Variants in SFMBT2 observed in about 807,000 individuals in gnomAD.
SFMBT2 encodes Scm like with four mbt domains 2.
Under a neutral mutation model 110.1 loss-of-function variants are expected in SFMBT2, and 38 were observed. The observed-to-expected ratio is 0.35, with a 90% CI of 0.27 to 0.45. SFMBT2 has a LOEUF of 0.45. Ranked by LOEUF, SFMBT2 falls within the 20% of genes least tolerant of loss-of-function variation. SFMBT2 has a pLI of 1.00. For synonymous variants in SFMBT2, 425 were observed against 425.4 expected (o/e 1.00, Z 0.01); for missense variants, 1,011 against 1,094.9 (o/e 0.92, Z 1.08).
At chr10:7,199,771 A>G (rs1838893893) in intron 14 of SFMBT2, among the ~76,000 whole-genome samples, 1 of 152,222 alleles carries the variant, frequency 6.6e-6, no homozygotes, top group South Asian at 2.1e-4. Flanking sequence ...GGATTCTTCC[A>G]TGACATGTTG....
intron 2 of SFMBT2, among the ~76,000 whole-genome samples, chr10:7,376,698 C>CAAAA (rs59565462): frequency 6.4e-5 from 3 of 46,616 alleles, no homozygotes; most frequent in Non-Finnish European, 1.0e-4. Context: ...GACTCTGTCT[C>CAAAA]AAAAAAAAAA....
intron 15 of SFMBT2, among the ~76,000 whole-genome samples, chr10:7,197,039 T>C (rs1838794009): frequency 6.6e-6 from 1 of 152,010 alleles, no homozygotes. Flanking sequence ...TGGAGACCAT[T>C]GAAATACTTA....
intron 4 of SFMBT2, among the ~76,000 whole-genome samples, chr10:7,331,406 T>G (rs1843554283): frequency 6.6e-6 from 1 of 152,214 alleles, no homozygotes; most frequent in Non-Finnish European, 1.5e-5. Flanking sequence ...TAAACATATC[T>G]ATCCAATTAT....
chr10:7,361,333 C>A (rs12263396), intron 4 of SFMBT2, among the ~76,000 whole-genome samples: 7,473 of 152,254 alleles, frequency 0.049, 603 homozygotes, highest in African/African-American at 0.17. Context: ...CATAAAAACA[C>A]AACCTAATTC....
At chr10:7,260,897 C>A (rs1350178084) in intron 7 of SFMBT2, among the ~76,000 whole-genome samples, 1 of 151,844 alleles carries the variant, frequency 6.6e-6, no homozygotes, top group African/African-American at 2.4e-5. Flanking sequence ...TTTTCTGGTT[C>A]TTTGTTATAA....
intron 7 of SFMBT2, among the ~76,000 whole-genome samples, chr10:7,272,832 G>A (rs372240816): frequency 5.5e-4 from 84 of 152,222 alleles, no homozygotes; most frequent in African/African-American, 1.7e-3. Flanking sequence ...TTGCTCTGCC[G>A]CCCAGACTGG....
At position 7,229,718 on chromosome 10, in the gene SFMBT2, G is replaced by T. The variant is rs192159949; in HGVS notation, c.1121-1781C>A. Among the ~76,000 whole-genome samples, 242 of 128,008 alleles carry T rather than the reference G, an allele frequency of 1.9e-3. 1 individual carries two copies. Among genetic ancestry groups the T allele is most frequent in the Admixed American group, 4.6e-3 (60 of 12,934 alleles). 84.0% of individuals were successfully genotyped at this position (128,008 alleles called of 152,430 possible). ...GCAATCTCAATATATCCTATTTTTTGTTGTTGTTGTTTTTTTTTTTGTGAT... is the reference window on the plus strand; with the variant it reads ...GCAATCTCAATATATCCTATTTTTTTTTGTTGTTGTTTTTTTTTTTGTGAT... On this transcript the variant is annotated intron_variant, in intron 9 of 20. Coordinates refer to ENST00000397167, the MANE Select transcript of SFMBT2 (RefSeq NM_001387889.1).
At chr10:7,288,993 A>C (rs1182817158) in intron 4 of SFMBT2, among the ~76,000 whole-genome samples, 1 of 150,866 alleles carries the variant, frequency 6.6e-6, no homozygotes, top group African/African-American at 2.5e-5. Flanking sequence ...ACACTGTCTC[A>C]GAAAAAAAAA....
chr10:7,319,103 G>A (rs1453690010), intron 4 of SFMBT2, among the ~76,000 whole-genome samples: 1 of 152,174 alleles, frequency 6.6e-6, no homozygotes, highest in African/African-American at 2.4e-5. Flanking sequence ...TTAACCAGGT[G>A]CACTGCAAGA....
intron 2 of SFMBT2, among the ~76,000 whole-genome samples, chr10:7,378,213 T>G (rs35758908): frequency 0.33 from 3,038 of 9,330 alleles, 1,117 homozygotes; most frequent in East Asian, 0.62. Flanking sequence ...TGTGTGGATG[T>G]GTGATGGATG....
At chr10:7,228,459 G>A (rs1027514231) in intron 9 of SFMBT2, 37 of 590,194 alleles carry the variant, frequency 6.3e-5, no homozygotes, top group Non-Finnish European at 7.0e-5. Flanking sequence ...AAAGAGTAGA[G>A]GGTTTGGAGA....
At chr10:7,183,083 T>C (rs2762613) in intron 16 of SFMBT2, among the ~76,000 whole-genome samples, 53,396 of 151,616 alleles carry the variant, frequency 0.35, 9,751 homozygotes, top group South Asian at 0.57. Flanking sequence ...TCGCACACAA[T>C]AGAAAACTCT....
Position 7,171,813 on chromosome 10 carries a change from C to T in SFMBT2, c.2415+82G>A, listed in dbSNP as rs1837878765. The stretch of plus-strand genomic sequence containing the variant: ...GTTGGAGGTATTTTAAACAGGTTTC[C>T]CCACATCGTGGCCCTGAAGTGTAAC... On this transcript the variant is annotated intron_variant, in intron 19 of 20. Transcript: ENST00000397167. This position sits in a 1 kb window ranked among gnomAD's most constrained non-coding sequence, Gnocchi z 4.9. 6 of 1,303,950 alleles carry T rather than the reference C, an allele frequency of 4.6e-6. No individual in the cohort carries two copies. The highest frequency in any genetic ancestry group is 5.9e-6 in the Non-Finnish European group (6 of 1,014,466). 80.8% of individuals were successfully genotyped at this position (1,303,950 alleles called of 1,614,324 possible). A position where few individuals can be genotyped will look rare whatever the true frequency, so the allele number is the denominator to read the frequency against.
chr10:7,242,343 C>T (rs1443316321), intron 9 of SFMBT2, among the ~76,000 whole-genome samples: 1 of 152,208 alleles, frequency 6.6e-6, no homozygotes, highest in Non-Finnish European at 1.5e-5. Context: ...CCAAGGCCTC[C>T]TGGAGTCCTC....
intron 1 of SFMBT2, among the ~76,000 whole-genome samples, chr10:7,403,743 TA>T (rs1282165063): frequency 2.0e-5 from 3 of 152,338 alleles, no homozygotes; most frequent in Non-Finnish European, 4.4e-5. Flanking sequence ...TGTATAAGAC[TA>T]GGATTTCAAA....
At chr10:7,206,707 G>C (rs930696982) in intron 11 of SFMBT2, 7 of 746,986 alleles carry the variant, frequency 9.4e-6, no homozygotes, top group Non-Finnish European at 1.1e-5. Flanking sequence ...AAAAAGACAA[G>C]AAGACTGGAT....
intron 12 of SFMBT2, chr10:7,205,118 A>T (rs2131611020): frequency 4.1e-6 from 1 of 244,140 alleles, no homozygotes; most frequent in African/African-American, 2.3e-5. Flanking sequence ...CCTGTCACCC[A>T]CGCTGGAGTC....
intron 15 of SFMBT2, among the ~76,000 whole-genome samples, chr10:7,193,142 A>C (rs1414723396): frequency 6.6e-6 from 1 of 152,096 alleles, no homozygotes; most frequent in Non-Finnish European, 1.5e-5. Context: ...CTTTCTATAA[A>C]CGTTCCTCTC....
chr10:7,370,312 G>C lies in SFMBT2; in HGVS notation c.164C>G (p.Ala55Gly). Residue 55 changes from alanine (A) to glycine (G), a missense_variant, in exon 3 of 21, where the codon GCA becomes GGA. By Grantham distance (60) the Ala-to-Gly change is moderately conservative. This residue lies in a region of SFMBT2 where 979 missense variants were observed against 1,016.1 expected (regional missense o/e 0.96). Transcript: ENST00000397167. Reference protein sequence around the residue: ...NWGEYLEETGASAAPHTSFKH... With the variant: ...NWGEYLEETGGSAAPHTSFKH... ...GAATGATGTGTGGGGAGCAGCACTTGCTCCTGTCTCTTCCAAATATTCTCC... is the reference window on the plus strand; with the variant it reads ...GAATGATGTGTGGGGAGCAGCACTTCCTCCTGTCTCTTCCAAATATTCTCC... The C allele has an allele frequency of 1.9e-6, 3 of 1,614,112 alleles. No individual in the cohort carries two copies. The highest frequency in any genetic ancestry group is 2.5e-6 in the Non-Finnish European group (3 of 1,179,982).
Sources: allele counts gnomAD v4.1 joint callset (sites outside exome capture counted in the v4.1 genomes callset), GRCh38; gene constraint gnomAD v4.1.1; regional missense constraint gnomAD v4.1.1; non-coding constraint Gnocchi (gnomAD v3.1); transcripts MANE v1.5; gene names NCBI Gene and HGNC (gene_info 2026-07-23, HGNC 2026-07-21).